The following PMPCB variants were observed in gnomAD, a reference collection of about 807,000 sequenced individuals.
PMPCB encodes the protein peptidase, mitochondrial processing subunit beta, also known as mitochondrial-processing peptidase subunit beta.
A neutral mutation model predicts 61.5 loss-of-function variants in PMPCB; 46 were observed. The ratio of observed to expected loss-of-function variants is 0.75; its 90% CI spans 0.59 to 0.96. The LOEUF (loss-of-function observed/expected upper bound fraction) is 0.96, where lower values mean the gene tolerates loss of function less well. Ranked by LOEUF, PMPCB falls within the 40% of genes least tolerant of loss-of-function variation. The probability of loss-of-function intolerance (pLI) is 0.00; values close to 1 mark genes in which losing one functional copy is unlikely to be tolerated. For synonymous variants in PMPCB, 191 were observed against 201.6 expected (o/e 0.95, Z 0.44); for missense variants, 590 against 602.4 (o/e 0.98, Z 0.22).
At chr7:103,327,872 T>G (rs1334315386) in intron 12 of PMPCB, 2 of 600,774 alleles carry the variant, frequency 3.3e-6, no homozygotes, top group African/African-American at 1.9e-5. Flanking sequence ...TCTCCCACAG[T>G]AAAATATATG....
At chr7:103,305,504 C>A (rs1027433916) in intron 6 of PMPCB, among the ~76,000 whole-genome samples, 1 of 152,134 alleles carries the variant, frequency 6.6e-6, no homozygotes, top group Non-Finnish European at 1.5e-5. Context: ...AGTTATCCTT[C>A]CACCTTGACC....
chr7:103,327,645 CA>C, intron 12 of PMPCB: 1 of 1,536,724 alleles, frequency 6.5e-7, no homozygotes, highest in Non-Finnish European at 9.0e-7. Flanking sequence ...GACTCTAAAG[CA>C]TTTTCTTACC....
the PMPCB span, chr7:103,344,813 C>T: frequency 3.3e-6 from 2 of 615,358 alleles, no homozygotes; most frequent in Non-Finnish European, 5.8e-6. Context: ...GCCAGTCTCA[C>T]ACCCTCCCAC....
rs765774845 is a variant in PMPCB at position 103,298,668 on chromosome 7, T to C, written c.200T>C (p.Leu67Pro). The C allele has an allele frequency of 1.2e-6, 2 of 1,614,062 alleles. No individual in the cohort carries two copies. The highest frequency in any genetic ancestry group is 1.1e-5 in the South Asian group (1 of 91,088). Residue 67 changes from leucine to proline, a missense_variant, in exon 2 of 13, where the codon CTC becomes CCC. Leu to Pro is a moderately conservative substitution (Grantham distance 98). Coordinates refer to ENST00000249269, the MANE Select transcript of PMPCB (RefSeq NM_004279.3). ...AGAGTAACATGTTTAGAAAGTGGAC[T>C]CAGAGTAGCTTCGGAAGACTCTGGG... ...ETRVTCLESG[L>P]RVASEDSGLS...
intron 12 of PMPCB, chr7:103,320,988 AG>A (rs1236333750): frequency 2.0e-5 from 3 of 153,618 alleles, no homozygotes; most frequent in Non-Finnish European, 4.4e-5. Flanking sequence ...ACTTGAGGCC[AG>A]GAGTTTGAGA....
chr7:103,337,612 A>G, the PMPCB span: 1 of 772,924 alleles, frequency 1.3e-6, no homozygotes, highest in East Asian at 2.7e-5. Flanking sequence ...TGTTATGACA[A>G]TATAACACAT....
chr7:103,309,604 C>T (rs1563449191), intron 8 of PMPCB, among the ~76,000 whole-genome samples: 1 of 152,110 alleles, frequency 6.6e-6, no homozygotes, highest in Non-Finnish European at 1.5e-5. Context: ...GCAAATATTA[C>T]ATATACCATA....
intron 12 of PMPCB, chr7:103,321,821 C>T (rs1818435632): frequency 7.8e-7 from 1 of 1,278,442 alleles, no homozygotes; most frequent in South Asian, 1.6e-5. Context: ...GCACTCCAGC[C>T]TGGGCGACAG....
Position 103,304,393 on chromosome 7 carries a change from G to T in PMPCB, c.657-18G>T. 8.0e-6 allele frequency: 11 copies of T among 1,370,114 alleles called. No individual in the cohort carries two copies. Among genetic ancestry groups the T allele is most frequent in the South Asian group, 2.4e-5 (2 of 82,754 alleles). 84.9% of individuals were successfully genotyped at this position (1,370,114 alleles called of 1,614,324 possible). A position where few individuals can be genotyped will look rare whatever the true frequency, so the allele number is the denominator to read the frequency against. The stretch of plus-strand genomic sequence containing the variant: ...TTTTTTTTGGTTTCCTTTAAAAATT[G>T]TTTTACTTCATTTACAGATCTATAA... On this transcript the variant is annotated intron_variant, in intron 5 of 12. Coordinates refer to ENST00000249269, the MANE Select transcript of PMPCB (RefSeq NM_004279.3).
At chr7:103,338,612 T>TA in the PMPCB span, among the ~76,000 whole-genome samples, 9 of 151,320 alleles carry the variant, frequency 5.9e-5, no homozygotes, top group African/African-American at 1.9e-4. Context: ...ACCCTGTCTT[T>TA]AAAAAAAAGA....
At chr7:103,346,171 C>G in the PMPCB span, among the ~76,000 whole-genome samples, 1 of 152,050 alleles carries the variant, frequency 6.6e-6, no homozygotes, top group Non-Finnish European at 1.5e-5. Flanking sequence ...CTTGCTCTGT[C>G]GCCCAGGCTG....
chr7:103,339,430 C>T, the PMPCB span, among the ~76,000 whole-genome samples: 1 of 152,164 alleles, frequency 6.6e-6, no homozygotes, highest in Non-Finnish European at 1.5e-5. Flanking sequence ...CCTGAAGTTA[C>T]TATCTTCTCT....
chr7:103,334,287 CACGGTGGCTCATGCCTGT>C (rs1449832552), downstream of PMPCB, among the ~76,000 whole-genome samples: 1 of 151,146 alleles, frequency 6.6e-6, no homozygotes, highest in Non-Finnish European at 1.5e-5. Context: ...TTTGGCTGGG[CACGGTGGCTCATGCCTGT>C]AATCCCAGCA....
chr7:103,307,285 C>CCAGA (rs1243636698), intron 6 of PMPCB, among the ~76,000 whole-genome samples: 1 of 151,916 alleles, frequency 6.6e-6, no homozygotes, highest in African/African-American at 2.4e-5. Flanking sequence ...AGTTTGGATC[C>CCAGA]CAGAGGTTTT....
chr7:103,309,985 A>G (rs547872950), intron 8 of PMPCB, among the ~76,000 whole-genome samples: 5 of 152,370 alleles, frequency 3.3e-5, no homozygotes, highest in Admixed American at 3.3e-4. Flanking sequence ...CATATGCAAT[A>G]TAACTTTGAA....
downstream of PMPCB, among the ~76,000 whole-genome samples, chr7:103,334,212 A>C (rs1159532974): frequency 6.6e-6 from 1 of 151,678 alleles, no homozygotes; most frequent in Non-Finnish European, 1.5e-5. Flanking sequence ...TGGCCTCCCA[A>C]AGTGCTGGGA....
chr7:103,335,024 G>GAAA, the PMPCB span, among the ~76,000 whole-genome samples: 1 of 151,762 alleles, frequency 6.6e-6, no homozygotes, highest in Non-Finnish European at 1.5e-5. Context: ...AGTAGAGACG[G>GAAA]GGTTTCGCCA....
chr7:103,329,076 C>G (rs1412502429), exon 13 of PMPCB: 2 of 989,324 alleles, frequency 2.0e-6, no homozygotes, highest in East Asian at 1.4e-4. Context: ...GTGATTATCG[C>G]TGGTGGTCAA....
the PMPCB span, chr7:103,336,298 C>T: frequency 6.6e-6 from 1 of 152,232 alleles, no homozygotes; most frequent in South Asian, 2.1e-4. Flanking sequence ...ATTATCAATT[C>T]TAATTAACAA....
Sources: gnomAD v4.1 joint callset for allele counts (sites outside exome capture counted in the v4.1 genomes callset) on GRCh38, gnomAD v4.1.1 for gene constraint, MANE v1.5 for transcripts, NCBI Gene and HGNC (gene_info 2026-07-23, HGNC 2026-07-21) for gene names.